INCENP: variants seen among roughly 807,000 people sequenced by gnomAD.
INCENP encodes the protein binds and activates aurora-B and -C in vivo and in vitro.
INCENP carries 43 observed loss-of-function variants against 107.3 expected under a neutral mutation model. That is an observed-to-expected ratio of 0.40 (90% CI 0.31 to 0.52). The LOEUF is 0.52. Among genes scored for constraint, INCENP ranks in the 20% least tolerant of loss-of-function variants. The pLI, the probability that INCENP is intolerant of heterozygous loss-of-function variation, is 0.53. For synonymous variants in INCENP, 488 were observed against 494.4 expected, an observed-to-expected ratio of 0.99 and a Z score of 0.17; for missense variants, 1,089 against 1,250.9, an observed-to-expected ratio of 0.87 and a Z score of 1.95.
At chr11:62,125,457 T>C (rs1943728267) in intron 1 of INCENP, among the ~76,000 whole-genome samples, 1 of 152,356 alleles carries the variant, frequency 6.6e-6, no homozygotes, top group African/African-American at 2.4e-5. Flanking sequence ...GCCAGGGCTG[T>C]GGTCTGGGTG....
At chr11:62,128,740 C>G (rs1333640313) in intron 2 of INCENP, 30 bp from the exon 3 acceptor site, 2 of 1,518,582 alleles carry the variant, frequency 1.3e-6, no homozygotes, top group African/African-American at 2.7e-5. Context: ...CCCAGGCAGC[C>G]TCGAGTGACA....
intron 4 of INCENP, among the ~76,000 whole-genome samples, chr11:62,134,402 T>TAAAAA (rs71053016): frequency 3.1e-4 from 40 of 128,424 alleles, no homozygotes; most frequent in African/African-American, 1.1e-3. Context: ...GAGACTCTGT[T>TAAAAA]AAAAAAAAAA....
chr11:62,138,657 G>C, intron 5 of INCENP, 56 bp from the exon 6 acceptor site: 1 of 1,553,032 alleles, frequency 6.4e-7, no homozygotes, highest in Admixed American at 1.7e-5. Flanking sequence ...GGACTCCCTA[G>C]GGGGAGGGCT....
At chr11:62,127,666 A>T (rs1157009339) in intron 1 of INCENP, among the ~76,000 whole-genome samples, 2 of 152,134 alleles carry the variant, frequency 1.3e-5, no homozygotes, top group South Asian at 2.1e-4. Flanking sequence ...GTCAGCTTGT[A>T]TGTAGTGCAG....
chr11:62,137,852 C>A lies in INCENP; in HGVS notation c.1084C>A (p.Leu362Ile). 6.2e-7 allele frequency: 1 copy of A among 1,614,170 alleles called. No homozygotes were observed. The highest frequency in any genetic ancestry group is 8.5e-7 in the Non-Finnish European group (1 of 1,180,002). Residue 362 changes from leucine to isoleucine, a missense_variant, in exon 5 of 19, where the codon CTC becomes ATC. Coordinates refer to ENST00000394818, the MANE Select transcript of INCENP (RefSeq NM_001040694.2). ...CTCAGGTCACAGTTACCTGGAGAGG[C>A]TCCTGAATGTTGAGGTGCCCCAGAA... ...RIICHSYLER[L>I]LNVEVPQKVG...
chr11:62,150,967 A>C (rs1030034114), intron 18 of INCENP, among the ~76,000 whole-genome samples: 6 of 152,244 alleles, frequency 3.9e-5, no homozygotes, highest in Admixed American at 3.9e-4. Flanking sequence ...GTTTCACCTC[A>C]TCTGAACCCT....
intron 4 of INCENP, among the ~76,000 whole-genome samples, chr11:62,132,981 A>C (rs1943920617): frequency 6.6e-6 from 1 of 152,190 alleles, no homozygotes; most frequent in Non-Finnish European, 1.5e-5. Context: ...GTGGATACTC[A>C]GTACATCTTA....
chr11:62,148,897 A>G (rs769927019), intron 17 of INCENP, 51 bp downstream of exon 17: 1 of 1,205,822 alleles, frequency 8.3e-7, no homozygotes, highest in Non-Finnish European at 1.2e-6. Flanking sequence ...GGCCCACTCT[A>G]TTCTCTTCCC....
intron 1 of INCENP, among the ~76,000 whole-genome samples, chr11:62,126,932 T>G (rs1468502692): frequency 1.3e-5 from 2 of 152,230 alleles, no homozygotes; most frequent in East Asian, 3.8e-4. Flanking sequence ...TTCAAATATT[T>G]TCCACTGGTG....
chr11:62,130,531 C>G lies in INCENP; in HGVS notation c.1004C>G (p.Ala335Gly). 2 of 1,614,026 alleles carry G rather than the reference C, an allele frequency of 1.2e-6. No individual in the cohort carries two copies. Among genetic ancestry groups the G allele is most frequent in the Non-Finnish European group, 1.7e-6 (2 of 1,180,028 alleles). Residue 335 changes from alanine to glycine, a missense_variant, in exon 4 of 19, where the codon GCG becomes GGG. Ala to Gly is a moderately conservative substitution (Grantham distance 60). Transcript: ENST00000394818. The stretch of plus-strand genomic sequence containing the variant: ...AAACAGGAAAGTGTTGTCCGCAGGG[C>G]GAGCAGAAGGCTTGCCAAGAAGACT... ...VAKQESVVRR[A>G]SRRLAKKTAE...
chr11:62,140,057 C>T (rs752909322), intron 7 of INCENP, among the ~76,000 whole-genome samples, 177 bp from the exon 8 acceptor site: 7 of 152,226 alleles, frequency 4.6e-5, no homozygotes, highest in Non-Finnish European at 1.0e-4. Flanking sequence ...GTAGATTCCT[C>T]AAGGCTAGTC....
intron 3 of INCENP, 55 bp from the exon 4 acceptor site, chr11:62,129,727 G>C (rs888200527): frequency 5.6e-6 from 8 of 1,432,720 alleles, no homozygotes. Context: ...TGGAGAGACT[G>C]GGTGCCACCC....
At position 62,130,248 on chromosome 11, in the gene INCENP, C is replaced by G; in HGVS notation, c.721C>G (p.Gln241Glu). Reference protein sequence around the residue: ...ITVSSLMATPQDPKGQGVGTG... With the variant: ...ITVSSLMATPEDPKGQGVGTG... ...AGTGAGCTCCCTGATGGCTACACCC[C>G]AGGACCCCAAGGGTCAAGGGGTCGG... The change falls in exon 4 of 19, where the codon CAG becomes GAG. Residue 241 changes from glutamine to glutamate, a missense_variant. Coordinates refer to ENST00000394818, the MANE Select transcript of INCENP (RefSeq NM_001040694.2). 2 of 1,613,650 alleles carry G rather than the reference C, an allele frequency of 1.2e-6. No homozygotes were observed. The highest frequency in any genetic ancestry group is 1.7e-6 in the Non-Finnish European group (2 of 1,180,018).
intron 16 of INCENP, 21 bp from the exon 17 acceptor site, chr11:62,148,718 C>T (rs764585832): frequency 6.4e-7 from 1 of 1,558,030 alleles, no homozygotes; most frequent in Non-Finnish European, 8.7e-7. Context: ...CCCTAACACC[C>T]CATTGCCACC....
intron 11 of INCENP, among the ~76,000 whole-genome samples, chr11:62,144,060 G>A (rs900664534): frequency 1.3e-5 from 2 of 152,226 alleles, no homozygotes; most frequent in Non-Finnish European, 2.9e-5. Context: ...AGCTGGGTGT[G>A]GTAGCTCACA....
Position 62,152,142 on chromosome 11 carries a change from G to A in INCENP, c.*166G>A. On this transcript the variant is annotated 3_prime_UTR_variant, in exon 19 of 19. Coordinates refer to ENST00000394818, the MANE Select transcript of INCENP (RefSeq NM_001040694.2). Reference sequence around the variant, plus strand: ...GTGCTGGGTGTTTCTGCTGCAGGTGGCAGGTGGCCCCAGGCCTGTTTGGAG... The same window carrying A: ...GTGCTGGGTGTTTCTGCTGCAGGTGACAGGTGGCCCCAGGCCTGTTTGGAG... The A allele has an allele frequency of 1.8e-6, 1 of 564,518 alleles. No individual in the cohort carries two copies. The highest frequency in any genetic ancestry group is 3.1e-5 in the East Asian group (1 of 32,546). 35.0% of individuals were successfully genotyped at this position (564,518 alleles called of 1,614,324 possible). A position where few individuals can be genotyped will look rare whatever the true frequency, so the allele number is the denominator to read the frequency against.
chr11:62,147,481 G>T (rs1944276797), intron 15 of INCENP, among the ~76,000 whole-genome samples: 1 of 152,180 alleles, frequency 6.6e-6, no homozygotes, highest in East Asian at 1.9e-4. Context: ...CCCTGTGCCT[G>T]GTTGTTCTGA....
chr11:62,124,799 C>T (rs902497503), intron 1 of INCENP, among the ~76,000 whole-genome samples: 1 of 152,200 alleles, frequency 6.6e-6, no homozygotes, highest in Non-Finnish European at 1.5e-5. Context: ...TATTTATGCC[C>T]CTGATTTACC....
chr11:62,136,486 C>G (rs1201026437), intron 4 of INCENP, among the ~76,000 whole-genome samples: 1 of 151,888 alleles, frequency 6.6e-6, no homozygotes, highest in Non-Finnish European at 1.5e-5. Context: ...TCAAGACCAG[C>G]CTGGCCAACA....
Sources: allele counts gnomAD v4.1 joint callset (sites outside exome capture counted in the v4.1 genomes callset), GRCh38; gene constraint gnomAD v4.1.1; transcripts MANE v1.5; gene names NCBI Gene and HGNC (gene_info 2026-07-23, HGNC 2026-07-21).